LIX1L: variants seen among roughly 807,000 people sequenced by gnomAD.
LIX1L encodes limb and CNS expressed 1 like.
LIX1L carries 20 observed loss-of-function variants against 34.0 expected under a neutral mutation model. That is an observed-to-expected ratio of 0.59 (90% confidence interval 0.41 to 0.85). The LOEUF (loss-of-function observed/expected upper bound fraction) is 0.85, where lower values mean the gene tolerates loss of function less well. Ranked by LOEUF, LIX1L falls within the 40% of genes least tolerant of loss-of-function variation. The pLI is 0.00. For synonymous variants in LIX1L, 170 were observed against 187.4 expected, an observed-to-expected ratio of 0.91 and a Z score of 0.76; for missense variants, 397 against 447.0, an observed-to-expected ratio of 0.89 and a Z score of 1.01.
Position 145,937,650 on chromosome 1 carries a change from C to T in LIX1L, c.647G>A (p.Arg216Gln), listed in dbSNP as rs146792839. The change falls in exon 4 of 6, where the codon CGA becomes CAA. Residue 216 changes from arginine (R) to glutamine (Q), a missense_variant. Transcript: ENST00000604000. ...DNPNTGIGAF[R>Q]FMLESNKGKS... ...GCCCTTGTTGGATTCCAGCATGAAT[C>T]GGAAGGCACCAATCCCTGTATTTGG... The T allele has an allele frequency of 1.2e-5, 19 of 1,613,730 alleles. No individual in the cohort carries two copies. The highest frequency in any genetic ancestry group is 1.1e-4 in the African/African-American group (8 of 74,906).
intron 1 of LIX1L, among the ~76,000 whole-genome samples, chr1:145,950,884 A>G (rs1649276631): frequency 6.6e-6 from 1 of 152,216 alleles, no homozygotes; most frequent in Admixed American, 6.5e-5. Flanking sequence ...CAGAGTGGGC[A>G]GTGGCTGAGG....
At chr1:145,936,630 A>G in intron 5 of LIX1L, 78 bp from the exon 6 acceptor site, 1 of 1,552,730 alleles carries the variant, frequency 6.4e-7, no homozygotes, top group East Asian at 2.3e-5. Flanking sequence ...ACTGGGACTA[A>G]GAACTCAGCT....
At chr1:145,951,777 A>C (rs1553759857) in intron 1 of LIX1L, among the ~76,000 whole-genome samples, 2 of 152,184 alleles carry the variant, frequency 1.3e-5, no homozygotes, top group Admixed American at 6.5e-5. Context: ...CACAACAGGG[A>C]GAATACTGGA....
intron 1 of LIX1L, among the ~76,000 whole-genome samples, chr1:145,954,223 G>A (rs1032023054): frequency 1.3e-5 from 2 of 152,100 alleles, no homozygotes; most frequent in Non-Finnish European, 2.9e-5. Flanking sequence ...GAGGGAGCAC[G>A]GCCCTGCCAA....
In LIX1L at chr1:145,958,004, G is replaced by C; in HGVS notation, c.-77C>G. 9.5e-7 allele frequency: 1 copy of C among 1,050,306 alleles called. No homozygotes were observed. The highest frequency in any genetic ancestry group is 1.3e-6 in the Non-Finnish European group (1 of 786,026). 65.1% of individuals were successfully genotyped at this position (1,050,306 alleles called of 1,614,324 possible). ...CGGTCCCAACCACCCCAGTCAGCTA[G>C]CGCCTGGGGACTCAGGGCGGTGCCA... On this transcript the variant is annotated 5_prime_UTR_variant, in exon 1 of 6. Coordinates refer to ENST00000604000, the MANE Select transcript of LIX1L (RefSeq NM_153713.3).
In LIX1L at chr1:145,955,802, G is replaced by A. The variant is rs1649453673; in HGVS notation, c.292+1834C>T. ...AGGAAAGAAAATCACCACGAAGTGT[G>A]AAGCCTGATTAATTGCCCTTTGTCA... On this transcript the variant is annotated intron_variant, in intron 1 of 5. Coordinates refer to ENST00000604000, the MANE Select transcript of LIX1L (RefSeq NM_153713.3). Among the ~76,000 whole-genome samples the A allele has an allele frequency of 3.9e-5, 6 of 152,358 alleles. No homozygotes were observed. The South Asian group carries it at 1.0e-3, about 26-fold the overall frequency.
chr1:145,957,881 C>G lies in LIX1L; in HGVS notation c.47G>C (p.Ser16Thr). ...AQRLQPGVGT[S>T]GRGTLRALRP... ...CAGCGCTCGGAGAGTGCCCCTCCCG[C>G]TGGTGCCCACACCAGGCTGCAGCCG... Residue 16 changes from serine (S) to threonine (T), a missense_variant, in exon 1 of 6, where the codon AGC becomes ACC. Ser to Thr is a moderately conservative substitution (Grantham distance 58). Around this residue, in one of 3 missense-constraint regions of LIX1L, gnomAD observed 207 missense variants for 205.2 expected, o/e 1.01. Transcript: ENST00000604000. The G allele has an allele frequency of 6.8e-7, 1 of 1,480,876 alleles. No individual in the cohort carries two copies. 91.7% of individuals were successfully genotyped at this position (1,480,876 alleles called of 1,614,324 possible).
chr1:145,944,187 A>C (rs1388683608), intron 2 of LIX1L, among the ~76,000 whole-genome samples: 1 of 152,012 alleles, frequency 6.6e-6, no homozygotes, highest in African/African-American at 2.4e-5. Context: ...TGAGATGCCA[A>C]CTCTACAAAA....
In LIX1L at chr1:145,934,171, TTA is replaced by T. The variant is rs1453355660; in HGVS notation, c.*2137_*2138del. On this transcript the variant is annotated 3_prime_UTR_variant, in exon 6 of 6. Transcript: ENST00000604000. ...CACAGAGACAAGGGGGAAATATATA[TTA>T]GAGACCTCCAAAAAAATTCTCTGAA... 0.14 allele frequency: 21,535 copies of T among 152,054 alleles called. 2,671 individuals are homozygous for T. Among genetic ancestry groups the T allele is most frequent in the African/African-American group, 0.32 (13,443 of 41,374 alleles). The allele number at this position is 152,054 out of a possible 1,614,324, so 9.4% of individuals were successfully genotyped here. A position where few individuals can be genotyped will look rare whatever the true frequency, so the allele number is the denominator to read the frequency against.
At chr1:145,955,189 C>A (rs1438629049) in intron 1 of LIX1L, among the ~76,000 whole-genome samples, 1 of 152,160 alleles carries the variant, frequency 6.6e-6, no homozygotes, top group Non-Finnish European at 1.5e-5. Context: ...AGGGCTAGGT[C>A]CTCTGATTAC....
At chr1:145,950,022 C>A (rs1649235723) in intron 1 of LIX1L, among the ~76,000 whole-genome samples, 1 of 151,968 alleles carries the variant, frequency 6.6e-6, no homozygotes, top group Non-Finnish European at 1.5e-5. Context: ...CACTACATTG[C>A]CCAGGCTGGT....
intron 1 of LIX1L, 49 bp downstream of exon 1, chr1:145,957,587 G>A (rs1553760531): frequency 7.0e-7 from 1 of 1,423,776 alleles, no homozygotes; most frequent in Non-Finnish European, 9.1e-7. Context: ...GTGGGAGCAA[G>A]GCTCCCTTAC....
rs587757806 is a variant in LIX1L, at chr1:145,933,816, A to G, written c.*2494T>C. ...TCTTCTGATTAGTAAGAAAAAAAAA[A>G]TGATAGGGCCTGGAGAATTCAAGGA... On this transcript the variant is annotated 3_prime_UTR_variant, in exon 6 of 6. Coordinates refer to ENST00000604000, the MANE Select transcript of LIX1L (RefSeq NM_153713.3). The G allele has an allele frequency of 1.3e-5, 2 of 152,230 alleles. No individual in the cohort carries two copies. Among genetic ancestry groups the G allele is most frequent in the East Asian group, 3.9e-4 (2 of 5,176 alleles). 9.4% of individuals were successfully genotyped at this position (152,230 alleles called of 1,614,324 possible).
intron 3 of LIX1L, among the ~76,000 whole-genome samples, chr1:145,938,982 CTTTTT>C (rs782308276): frequency 7.3e-6 from 1 of 136,798 alleles, no homozygotes; most frequent in Non-Finnish European, 1.6e-5. Flanking sequence ...AAATACTGTA[CTTTTT>C]TTTTTTTTTT....
intron 3 of LIX1L, among the ~76,000 whole-genome samples, chr1:145,938,584 C>CTTT (rs56063107): frequency 6.9e-6 from 1 of 145,884 alleles, no homozygotes; most frequent in Non-Finnish European, 1.5e-5. Context: ...TAAAAATTTC[C>CTTT]TTTTTTTTTT....
At chr1:145,937,769 A>G in intron 3 of LIX1L, 70 bp from the exon 4 acceptor site, 5 of 912,890 alleles carry the variant, frequency 5.5e-6, no homozygotes, top group Non-Finnish European at 9.0e-6. Context: ...AGCACTGTCC[A>G]GTAGAAATAT....
chr1:145,950,844 T>C (rs1553759777), intron 1 of LIX1L, among the ~76,000 whole-genome samples: 1 of 152,244 alleles, frequency 6.6e-6, no homozygotes, highest in Non-Finnish European at 1.5e-5. Flanking sequence ...AATGTGCGAC[T>C]TTGTGGTGCA....
chr1:145,933,633 C>A lies in LIX1L; in HGVS notation c.*2677G>T. On this transcript the variant is annotated 3_prime_UTR_variant, in exon 6 of 6. Transcript: ENST00000604000. ...GCAATTCTTCCCACAACTCACACCC[C>A]TTAATCCACACGTCCCAGAGAAAGG... The A allele has an allele frequency of 6.6e-6, 1 of 152,318 alleles. No individual in the cohort carries two copies. The highest frequency in any genetic ancestry group is 1.9e-4 in the East Asian group (1 of 5,214). The allele number at this position is 152,318 out of a possible 1,614,324, so 9.4% of individuals were successfully genotyped here. A position where few individuals can be genotyped will look rare whatever the true frequency, so the allele number is the denominator to read the frequency against.
chr1:145,957,012 A>G, intron 1 of LIX1L, among the ~76,000 whole-genome samples: 1 of 152,356 alleles, frequency 6.6e-6, no homozygotes, highest in Middle Eastern at 3.4e-3. Flanking sequence ...AAAAGATACC[A>G]AAGTAAGGTA....
Sources: allele counts gnomAD v4.1 joint callset (sites outside exome capture counted in the v4.1 genomes callset), GRCh38; gene constraint gnomAD v4.1.1; regional missense constraint gnomAD v4.1.1; transcripts MANE v1.5; gene names NCBI Gene and HGNC (gene_info 2026-07-23, HGNC 2026-07-21).